PCDHGA6: variants seen among roughly 807,000 people sequenced by gnomAD.
The protein encoded by PCDHGA6 is protocadherin gamma subfamily A, 6.
Under a neutral mutation model 60.6 loss-of-function variants are expected in PCDHGA6, and 41 were observed. The ratio of observed to expected loss-of-function variants is 0.68; its 90% CI spans 0.53 to 0.88. The LOEUF (loss-of-function observed/expected upper bound fraction) is 0.88. Among genes scored for constraint, PCDHGA6 ranks in the 40% least tolerant of loss-of-function variants. The pLI, the probability that PCDHGA6 is intolerant of heterozygous loss-of-function variation, is 0.00. For synonymous variants in PCDHGA6, 594 were observed against 524.4 expected (o/e 1.13, Z -1.81); for missense variants, 1,312 against 1,203.0 (o/e 1.09, Z -1.34).
chr5:141,485,426 C>T lies in PCDHGA6; in HGVS notation c.2425-9381C>T. 6.2e-7 allele frequency: 1 copy of T among 1,614,158 alleles called. No individual in the cohort carries two copies. Among genetic ancestry groups the T allele is most frequent in the South Asian group, 1.1e-5 (1 of 91,078 alleles). ...TGTGGATTTGGACAGCGGAGCCCTGCTCATCAAGAACCCAATCGACCGAGA... is the reference window on the plus strand; with the variant it reads ...TGTGGATTTGGACAGCGGAGCCCTGTTCATCAAGAACCCAATCGACCGAGA... On this transcript the variant is annotated intron_variant, in intron 1 of 3. Transcript: ENST00000517434. The surrounding 1 kb of genome is among the most constrained non-coding windows in gnomAD (Gnocchi z 5.7).
At chr5:141,409,680 C>G (rs756713114) in intron 1 of PCDHGA6, 1 of 1,613,360 alleles carries the variant, frequency 6.2e-7, no homozygotes, top group Non-Finnish European at 8.5e-7. Context: ...TCTATAGTGG[C>G]GAGTGACCTA....
At chr5:141,395,194 C>G in intron 1 of PCDHGA6, 1 of 1,613,922 alleles carries the variant, frequency 6.2e-7, no homozygotes, top group Non-Finnish European at 8.5e-7. Flanking sequence ...TTGTTAACAT[C>G]CGTAGATTTT....
intron 2 of PCDHGA6, among the ~76,000 whole-genome samples, chr5:141,497,212 G>A (rs968445663): frequency 6.6e-6 from 1 of 150,900 alleles, no homozygotes; most frequent in Non-Finnish European, 1.5e-5. Flanking sequence ...AGTGTAATGG[G>A]GGGGGGAAGA....
chr5:141,439,889 C>T (rs997306014), intron 1 of PCDHGA6: 1 of 152,348 alleles, frequency 6.6e-6, no homozygotes, highest in Admixed American at 6.5e-5. Context: ...CTGGGTAGAA[C>T]CAAGGCGACT....
At position 141,477,806 on chromosome 5, in the gene PCDHGA6, G is replaced by GC; in HGVS notation, c.2425-16995dup. Reference sequence around the variant, plus strand: ...ATTTGTCACTGATCGCAATGACAATGCCCCCCAGGTCCTATATCCTCGGCC... The same window carrying GC: ...ATTTGTCACTGATCGCAATGACAATGCCCCCCCAGGTCCTATATCCTCGGCC... On this transcript the variant is annotated intron_variant, in intron 1 of 3. Transcript: ENST00000517434. This position sits in a 1 kb window ranked among gnomAD's most constrained non-coding sequence, Gnocchi z 4.9. 1 of 1,614,114 alleles carries GC rather than the reference G, an allele frequency of 6.2e-7. No homozygotes were observed.
intron 1 of PCDHGA6, among the ~76,000 whole-genome samples, chr5:141,456,733 G>A (rs1186997201): frequency 6.6e-6 from 1 of 152,182 alleles, no homozygotes; most frequent in Non-Finnish European, 1.5e-5. Context: ...GGGAGGCTGA[G>A]GCGGGAGCAT....
intron 1 of PCDHGA6, chr5:141,422,513 G>A (rs765955739): frequency 6.2e-7 from 1 of 1,614,000 alleles, no homozygotes. Context: ...ACAGACCAGG[G>A]AAGCCCGCCT....
At chr5:141,451,468 C>G (rs2098716484) in intron 1 of PCDHGA6, among the ~76,000 whole-genome samples, 1 of 152,202 alleles carries the variant, frequency 6.6e-6, no homozygotes, top group South Asian at 2.1e-4. Context: ...AGGTCTACCT[C>G]AGTTCCTTGC....
chr5:141,438,631 TATATACACACAC>T (rs1290318462), intron 1 of PCDHGA6, among the ~76,000 whole-genome samples: 214 of 43,192 alleles, frequency 5.0e-3, no homozygotes, highest in Non-Finnish European at 6.1e-3. Flanking sequence ...TATATATATA[TATATACACACAC>T]ACACACACAT....
chr5:141,447,225 C>T (rs966197293), intron 1 of PCDHGA6, among the ~76,000 whole-genome samples: 9 of 151,960 alleles, frequency 5.9e-5, no homozygotes, highest in African/African-American at 7.3e-5. Flanking sequence ...CTGCAACCTC[C>T]GCCTCCCGGG....
Position 141,421,262 on chromosome 5 carries a change from G to GGCTGCT in PCDHGA6, c.2424+44766_2424+44771dup, listed in dbSNP as rs748368476. 11 of 1,609,598 alleles carry GGCTGCT rather than the reference G, an allele frequency of 6.8e-6. No individual in the cohort carries two copies. The Admixed American group carries it at 8.4e-5, about 12-fold the overall frequency. ...CGGCTACAGCGCGGGGACCGCAGTC[G>GGCTGCT]GCTGCTGCTGCTGCTGTGCATTTTC... is the stretch of plus-strand genomic sequence containing the variant. On this transcript the variant is annotated intron_variant, in intron 1 of 3. Coordinates refer to ENST00000517434, the MANE Select transcript of PCDHGA6 (RefSeq NM_018919.3).
intron 1 of PCDHGA6, among the ~76,000 whole-genome samples, chr5:141,459,221 G>A (rs1028895845): frequency 9.2e-5 from 14 of 152,154 alleles, no homozygotes; most frequent in African/African-American, 3.1e-4. Flanking sequence ...TCCAGCTCCA[G>A]GCAACAACTG....
chr5:141,379,798 G>C (rs890822360), intron 1 of PCDHGA6, among the ~76,000 whole-genome samples: 1 of 150,150 alleles, frequency 6.7e-6, no homozygotes, highest in African/African-American at 2.5e-5. Context: ...GCTATCTGAG[G>C]TTTTGAGAGT....
intron 1 of PCDHGA6, chr5:141,418,598 T>G: frequency 6.2e-7 from 1 of 1,614,010 alleles, no homozygotes; most frequent in Non-Finnish European, 8.5e-7. Flanking sequence ...CCAGGACGTG[T>G]ACAGGGTTAG....
chr5:141,376,461 T>C lies in PCDHGA6; in HGVS notation c.2378T>C (p.Ile793Thr). 1.2e-6 allele frequency: 2 copies of C among 1,614,210 alleles called. No individual in the cohort carries two copies. The highest frequency in any genetic ancestry group is 1.1e-5 in the South Asian group (1 of 91,090). ...TATGAGAAAAGCGAGCCTCTTCTGA[T>C]AACTCAGGATTTACTTGAAACGAAA... is the stretch of plus-strand genomic sequence containing the variant. ...ESYEKSEPLL[I>T]TQDLLETKGE... The change falls in exon 1 of 4, where the codon ATA (isoleucine) becomes ACA (threonine). Residue 793 changes from isoleucine to threonine, a missense_variant. Physicochemically the swap from Ile to Thr is moderately conservative, Grantham distance 89 (BLOSUM62 -1). Transcript: ENST00000517434.
intron 1 of PCDHGA6, chr5:141,421,852 C>T: frequency 6.2e-7 from 1 of 1,613,770 alleles, no homozygotes; most frequent in South Asian, 1.1e-5. Context: ...AGAGGCTGCT[C>T]ACCTGCTCCT....
chr5:141,405,533 C>T (rs2094681755), intron 1 of PCDHGA6: 2 of 648,174 alleles, frequency 3.1e-6, no homozygotes. Context: ...GATTCTCCTG[C>T]CTCAGCCTCC....
At chr5:141,426,453 G>A (rs902416171) in intron 1 of PCDHGA6, 4 of 310,612 alleles carry the variant, frequency 1.3e-5, no homozygotes, top group African/African-American at 8.6e-5. Flanking sequence ...ACATGCGGCT[G>A]CATGTTCAGG....
At chr5:141,454,941 G>A (rs2098807517) in intron 1 of PCDHGA6, among the ~76,000 whole-genome samples, 1 of 150,970 alleles carries the variant, frequency 6.6e-6, no homozygotes, top group Non-Finnish European at 1.5e-5. Flanking sequence ...CCGAGTAGCT[G>A]GGACTACAGG....
Sources: gnomAD v4.1 joint callset for allele counts (sites outside exome capture counted in the v4.1 genomes callset) on GRCh38, gnomAD v4.1.1 for gene constraint, Gnocchi (gnomAD v3.1) non-coding constraint, MANE v1.5 for transcripts, NCBI Gene and HGNC (gene_info 2026-07-23, HGNC 2026-07-21) for gene names.